The following C2CD2 variants were observed in gnomAD, a reference collection of about 807,000 sequenced individuals.
The protein encoded by C2CD2 is C2 domain-containing protein 2.
C2CD2 carries 43 observed loss-of-function variants against 74.3 expected under a neutral mutation model. That is an observed-to-expected ratio of 0.58 (90% CI 0.45 to 0.75). The LOEUF (loss-of-function observed/expected upper bound fraction) is 0.75. C2CD2 is among the 30% of genes least tolerant of loss of function. C2CD2 has a pLI of 0.00. For missense variants in C2CD2, 801 were observed against 916.3 expected (o/e 0.87, Z 1.63); for synonymous variants, 422 against 390.7 (o/e 1.08, Z -0.94).
rs779273363 is a variant in C2CD2, at chr21:41,899,342, G to C, written c.1581C>G (p.His527Gln). 1 of 1,606,884 alleles carries C rather than the reference G, an allele frequency of 6.2e-7. No individual in the cohort carries two copies. The highest frequency in any genetic ancestry group is 8.5e-7 in the Non-Finnish European group (1 of 1,179,960). The change falls in exon 13 of 14, where the codon CAC becomes CAG. Residue 527 changes from histidine (H) to glutamine (Q), a missense_variant. Coordinates refer to ENST00000380486, the MANE Select transcript of C2CD2 (RefSeq NM_015500.2). This position sits in a 1 kb window ranked among gnomAD's most constrained non-coding sequence, Gnocchi z 4.4. ...GISKTSLSQD[H>Q]DAALMQGYTA... ...TGTAGCCCTGCATCAGGGCAGCGTC[G>C]TGGTCCTGAGATAGTGAGGTCTGTC...
rs75509068 is a variant in C2CD2 at position 41,947,822 on chromosome 21, G to A, written c.279+5548C>T. On this transcript the variant is annotated intron_variant, in intron 1 of 13. Coordinates refer to ENST00000380486, the MANE Select transcript of C2CD2 (RefSeq NM_015500.2). ...AGACTCTCCCAGGATCGCACAGCTA[G>A]GAGGGTAGAGCTGGAGCACAAAGCA... Among the ~76,000 whole-genome samples, 1,192 of 152,270 alleles carry A rather than the reference G, an allele frequency of 7.8e-3. 13 individuals are homozygous for A. Among genetic ancestry groups the A allele is most frequent in the African/African-American group, 0.027 (1,113 of 41,546 alleles).
rs950237780 is a variant in C2CD2, at chr21:41,888,296, C to T, written c.*828G>A. ...GGCTCCTGACTTCATCTGACAGGCC[C>T]GCTGTGCTCTTGTTTAGCAAGTATG... is the stretch of plus-strand genomic sequence containing the variant. On this transcript the variant is annotated 3_prime_UTR_variant, in exon 14 of 14. Transcript: ENST00000380486. 2.6e-5 allele frequency: 4 copies of T among 152,458 alleles called. No homozygotes were observed. Among genetic ancestry groups the T allele is most frequent in the African/African-American group, 7.2e-5 (3 of 41,382 alleles). 9.4% of individuals were successfully genotyped at this position (152,458 alleles called of 1,614,324 possible). A position where few individuals can be genotyped will look rare whatever the true frequency, so the allele number is the denominator to read the frequency against.
Position 41,899,013 on chromosome 21 carries a change from C to A in C2CD2, c.1870+40G>T. 1 of 1,536,168 alleles carries A rather than the reference C, an allele frequency of 6.5e-7. No individual in the cohort carries two copies. Among genetic ancestry groups the A allele is most frequent in the Non-Finnish European group, 8.9e-7 (1 of 1,119,982 alleles). On this transcript the variant is annotated intron_variant, in intron 13 of 13. Transcript: ENST00000380486. The surrounding 1 kb of genome is among the most constrained non-coding windows in gnomAD (Gnocchi z 4.4). ...GAAGCCAGCATGAGCGCAAAGCCACCAAGTGGGGGGCCCGGGATGGGGGGC... is the reference window on the plus strand; with the variant it reads ...GAAGCCAGCATGAGCGCAAAGCCACAAAGTGGGGGGCCCGGGATGGGGGGC...
rs150307968 is a variant in C2CD2 at position 41,939,798 on chromosome 21, C to G, written c.378+2349G>C. On this transcript the variant is annotated intron_variant, in intron 2 of 13. Transcript: ENST00000380486. This position sits in a 1 kb window ranked among gnomAD's most constrained non-coding sequence, Gnocchi z 5.5. ...CCTATGCTGCTGGGGCAGAGAAAAC[C>G]GGGAACAGCACTTTGGTGACTGACT... is the stretch of plus-strand genomic sequence containing the variant. 6.6e-6 allele frequency among the ~76,000 whole-genome samples: 1 copy of G among 152,308 alleles called. No individual in the cohort carries two copies. The highest frequency in any genetic ancestry group is 2.1e-4 in the South Asian group (1 of 4,826).
Position 41,926,584 on chromosome 21 carries a change from C to A in C2CD2, c.379-4499G>T. The A allele has an allele frequency of 3.1e-6, 3 of 971,664 alleles. No individual in the cohort carries two copies. Among genetic ancestry groups the A allele is most frequent in the Non-Finnish European group, 3.7e-6 (3 of 817,564 alleles). 60.2% of individuals were successfully genotyped at this position (971,664 alleles called of 1,614,324 possible). ...TGTAGTCACATACCTATGCAAACAG[C>A]GCTTATCTGGAAACTATTCCTTTGT... On this transcript the variant is annotated intron_variant, in intron 2 of 13. Coordinates refer to ENST00000380486, the MANE Select transcript of C2CD2 (RefSeq NM_015500.2). The surrounding 1 kb of genome is among the most constrained non-coding windows in gnomAD (Gnocchi z 8.0).
At chr21:41,897,738 T>C (rs1473253068) in intron 13 of C2CD2, among the ~76,000 whole-genome samples, 1 of 152,124 alleles carries the variant, frequency 6.6e-6, no homozygotes, top group Non-Finnish European at 1.5e-5. Flanking sequence ...CGCCGTGCCA[T>C]GGCTGAGGGA....
At chr21:41,911,376 C>G (rs1278946826) in intron 7 of C2CD2, among the ~76,000 whole-genome samples, 1 of 149,912 alleles carries the variant, frequency 6.7e-6, no homozygotes, top group Non-Finnish European at 1.5e-5. Context: ...TACATTTTTC[C>G]CTATCTCGAT....
At chr21:41,916,140 G>A (rs1296337975) in intron 5 of C2CD2, among the ~76,000 whole-genome samples, 2 of 152,160 alleles carry the variant, frequency 1.3e-5, no homozygotes, top group Admixed American at 1.3e-4. Context: ...TGAAATCCAA[G>A]GACATGAGCA....
At position 41,892,489 on chromosome 21, in the gene C2CD2, T is replaced by C. The variant is rs569456203; in HGVS notation, c.1871-3145A>G. Among the ~76,000 whole-genome samples the C allele has an allele frequency of 2.0e-5, 3 of 152,288 alleles. No individual in the cohort carries two copies. Among genetic ancestry groups the C allele is most frequent in the African/African-American group, 7.2e-5 (3 of 41,570 alleles). The stretch of plus-strand genomic sequence containing the variant: ...TCCAGGAACGTCCACCATGTCTTCC[T>C]GTTCAGTCCTTAGAACCCAGGCAGC... On this transcript the variant is annotated intron_variant, in intron 13 of 13. Coordinates refer to ENST00000380486, the MANE Select transcript of C2CD2 (RefSeq NM_015500.2). The surrounding 1 kb of genome is among the most constrained non-coding windows in gnomAD (Gnocchi z 4.6).
rs552819176 is a variant in C2CD2, at chr21:41,903,372, T to G, written c.1433-1623A>C. Among the ~76,000 whole-genome samples the G allele has an allele frequency of 3.5e-4, 53 of 152,188 alleles. No homozygotes were observed. The highest frequency in any genetic ancestry group is 6.3e-4 in the Non-Finnish European group (43 of 68,030). ...GGACCCACTATTTGCACCTGACATC[T>G]AAAGTGGAAGGGTGGTTTTGTGGGG... is the stretch of plus-strand genomic sequence containing the variant. On this transcript the variant is annotated intron_variant, in intron 11 of 13. Transcript: ENST00000380486. The surrounding 1 kb of genome is among the most constrained non-coding windows in gnomAD (Gnocchi z 4.5).
intron 1 of C2CD2, among the ~76,000 whole-genome samples, chr21:41,947,668 C>T (rs573194892): frequency 1.3e-3 from 197 of 152,260 alleles, no homozygotes; most frequent in African/African-American, 4.6e-3. Context: ...GAGAGCAGCC[C>T]ACCTTTATTG....
rs1375916734 is a variant in C2CD2 at position 41,903,109 on chromosome 21, T to G, written c.1433-1360A>C. Among the ~76,000 whole-genome samples, 1 of 152,144 alleles carries G rather than the reference T, an allele frequency of 6.6e-6. No individual in the cohort carries two copies. The highest frequency in any genetic ancestry group is 2.4e-5 in the African/African-American group (1 of 41,422). Reference sequence around the variant, plus strand: ...AGCGTCCAGGTTGTGAACCAACGCATGCACGTACTGGGAAAGGGGCGACTC... The same window carrying G: ...AGCGTCCAGGTTGTGAACCAACGCAGGCACGTACTGGGAAAGGGGCGACTC... On this transcript the variant is annotated intron_variant, in intron 11 of 13. Coordinates refer to ENST00000380486, the MANE Select transcript of C2CD2 (RefSeq NM_015500.2). The surrounding 1 kb of genome is among the most constrained non-coding windows in gnomAD (Gnocchi z 4.5).
At position 41,947,112 on chromosome 21, in the gene C2CD2, T is replaced by TTCTCTCCC. The variant is rs1555906756; in HGVS notation, c.280-4868_280-4867insGGGAGAGA. Among the ~76,000 whole-genome samples the TTCTCTCCC allele has an allele frequency of 2.3e-4, 6 of 26,216 alleles. 1 individual carries two copies. The highest frequency in any genetic ancestry group is 1.1e-3 in the South Asian group (1 of 926). The allele number at this position is 26,216 out of a possible 152,430, so 17.2% of individuals were successfully genotyped here. A position where few individuals can be genotyped will look rare whatever the true frequency, so the allele number is the denominator to read the frequency against. The stretch of plus-strand genomic sequence containing the variant: ...TTTCTTTCTTTCTTTCCTTTCTCTT[T>TTCTCTCCC]TCTCTCTCTCTCTCTCTCTCTCTCT... On this transcript the variant is annotated intron_variant, in intron 1 of 13. Transcript: ENST00000380486.
intron 2 of C2CD2, among the ~76,000 whole-genome samples, chr21:41,941,915 C>A (rs2065357225): frequency 6.6e-6 from 1 of 152,172 alleles, no homozygotes; most frequent in Non-Finnish European, 1.5e-5. Flanking sequence ...CAGGGTTCAT[C>A]CGCACCGGAG....
rs972177194 is a variant in C2CD2, at chr21:41,918,002, T to C, written c.720+103A>G. Reference sequence around the variant, plus strand: ...CACCCGAGCCATCTTGGCTCTACCATGGGAGGTGGAGGAACGCTGGAACGC... The same window carrying C: ...CACCCGAGCCATCTTGGCTCTACCACGGGAGGTGGAGGAACGCTGGAACGC... On this transcript the variant is annotated intron_variant, in intron 5 of 13. Transcript: ENST00000380486. 4.4e-6 allele frequency: 6 copies of C among 1,350,232 alleles called. No homozygotes were observed. The Admixed American group carries it at 7.2e-5, about 16-fold the overall frequency. The allele number at this position is 1,350,232 out of a possible 1,614,324, so 83.6% of individuals were successfully genotyped here.
Position 41,932,729 on chromosome 21 carries a change from T to C in C2CD2, c.378+9418A>G, listed in dbSNP as rs934013589. 1.3e-5 allele frequency among the ~76,000 whole-genome samples: 2 copies of C among 150,342 alleles called. 1 individual carries two copies. The highest frequency in any genetic ancestry group is 4.2e-4 in the South Asian group (2 of 4,740). Reference sequence around the variant, plus strand: ...GGGCCGGGTGTGGACTCTGCACTTATCTATCGTTGGTCCTGTGGGATGACT... The same window carrying C: ...GGGCCGGGTGTGGACTCTGCACTTACCTATCGTTGGTCCTGTGGGATGACT... On this transcript the variant is annotated intron_variant, in intron 2 of 13. Coordinates refer to ENST00000380486, the MANE Select transcript of C2CD2 (RefSeq NM_015500.2).
At chr21:41,941,351 A>G (rs908615215) in intron 2 of C2CD2, among the ~76,000 whole-genome samples, 4 of 152,186 alleles carry the variant, frequency 2.6e-5, no homozygotes, top group Non-Finnish European at 5.9e-5. Flanking sequence ...GCGAGATCCC[A>G]TCCCTAAAAC....
chr21:41,927,525 T>A lies in C2CD2; in HGVS notation c.379-5440A>T, dbSNP rs545337138. On this transcript the variant is annotated intron_variant, in intron 2 of 13. Coordinates refer to ENST00000380486, the MANE Select transcript of C2CD2 (RefSeq NM_015500.2). ...TCACTCTGTTGCCCAGGCTGGAGTG[T>A]GGTGGCAGGATCTCGGCTCACCAAA... Among the ~76,000 whole-genome samples, 10 of 152,238 alleles carry A rather than the reference T, an allele frequency of 6.6e-5. No homozygotes were observed. In the South Asian group the frequency reaches 1.9e-3, roughly 28 times the overall value.
In C2CD2 at chr21:41,926,482, G is replaced by T; in HGVS notation, c.379-4397C>A. On this transcript the variant is annotated intron_variant, in intron 2 of 13. Transcript: ENST00000380486. This position sits in a 1 kb window ranked among gnomAD's most constrained non-coding sequence, Gnocchi z 8.0. The stretch of plus-strand genomic sequence containing the variant: ...ACGGGGAGGGGAAAACAAGACTGAA[G>T]GCTGAAGAGCAGGCTGAGCGGGGAG... 1 of 802,812 alleles carries T rather than the reference G, an allele frequency of 1.2e-6. No homozygotes were observed. The highest frequency in any genetic ancestry group is 1.5e-6 in the Non-Finnish European group (1 of 663,022). 49.7% of individuals were successfully genotyped at this position (802,812 alleles called of 1,614,324 possible).
Sources: allele counts gnomAD v4.1 joint callset (sites outside exome capture counted in the v4.1 genomes callset), GRCh38; gene constraint gnomAD v4.1.1; non-coding constraint Gnocchi (gnomAD v3.1); transcripts MANE v1.5; gene names NCBI Gene and HGNC (gene_info 2026-07-23, HGNC 2026-07-21).